The following WRN variants were observed in gnomAD, a reference collection of about 807,000 sequenced individuals.
WRN encodes bifunctional 3'-5' exonuclease/ATP-dependent helicase WRN.
WRN carries 149 observed loss-of-function variants against 180.7 expected under a neutral mutation model. The ratio of observed to expected loss-of-function variants is 0.82; its 90% confidence interval spans 0.72 to 0.94. The LOEUF (loss-of-function observed/expected upper bound fraction) is 0.94, where lower values mean the gene tolerates loss of function less well. WRN is among the 40% of genes least tolerant of loss of function. The pLI, the probability that WRN is intolerant of heterozygous loss-of-function variation, is 0.00. For synonymous variants in WRN, 548 were observed against 568.9 expected, an observed-to-expected ratio of 0.96 and a Z score of 0.52; for missense variants, 1,661 against 1,700.1, an observed-to-expected ratio of 0.98 and a Z score of 0.40.
intron 23 of WRN, among the ~76,000 whole-genome samples, chr8:31,125,929 A>C (rs1411783581): frequency 1.3e-5 from 2 of 150,914 alleles, no homozygotes; most frequent in African/African-American, 4.9e-5. Context: ...AGCCAAGTTG[A>C]TGCATAATAT....
intron 24 of WRN, among the ~76,000 whole-genome samples, chr8:31,139,794 T>C (rs946250880): frequency 2.0e-5 from 3 of 152,146 alleles, no homozygotes; most frequent in African/African-American, 7.2e-5. Context: ...CACTTCCTGC[T>C]TATACCTGTC....
chr8:31,076,084 T>A, intron 7 of WRN, 89 bp from the exon 8 acceptor site: 1 of 1,084,122 alleles, frequency 9.2e-7, no homozygotes, highest in Admixed American at 1.8e-5. Context: ...AAAATGAAAA[T>A]TTGATCCCTA....
At chr8:31,155,261 G>T (rs1270706951) in intron 32 of WRN, among the ~76,000 whole-genome samples, 5 of 152,136 alleles carry the variant, frequency 3.3e-5, no homozygotes, top group Admixed American at 1.3e-4. Flanking sequence ...TTAAAAACTT[G>T]CTTTTCATTC....
intron 9 of WRN, among the ~76,000 whole-genome samples, chr8:31,082,949 A>G (rs1346522020): frequency 2.0e-5 from 3 of 152,220 alleles, no homozygotes; most frequent in African/African-American, 4.8e-5. Flanking sequence ...AAAAAATAAA[A>G]TAACTTTTTT....
rs111571969 is a variant in WRN, at chr8:31,166,681, G to T, written c.3983-341G>T. On this transcript the variant is annotated intron_variant, in intron 33 of 34. Transcript: ENST00000298139. ...TTTTAAGAGAAAACTAATTATAATT[G>T]ATATTTGGAATTGGAAGCACAATTT... Among the ~76,000 whole-genome samples the T allele has an allele frequency of 3.9e-5, 6 of 152,216 alleles. 1 individual carries two copies. The highest frequency in any genetic ancestry group is 1.4e-4 in the African/African-American group (6 of 41,554).
At chr8:31,103,569 G>GTTTA (rs144369410) in intron 18 of WRN, among the ~76,000 whole-genome samples, 76,510 of 151,358 alleles carry the variant, frequency 0.51, 19,967 homozygotes, top group South Asian at 0.68. Flanking sequence ...ACTATTTTTC[G>GTTTA]GTGGTCTGTT....
intron 19 of WRN, 71 bp downstream of exon 19, chr8:31,111,870 A>G (rs1801334205): frequency 6.5e-7 from 1 of 1,545,684 alleles, no homozygotes. Flanking sequence ...TATGTATTTT[A>G]TGTTATTTAC....
chr8:31,069,819 A>G (rs1230618146), intron 7 of WRN, among the ~76,000 whole-genome samples: 1 of 152,134 alleles, frequency 6.6e-6, no homozygotes, highest in Non-Finnish European at 1.5e-5. Context: ...CTCATAATAA[A>G]ACTAAAATTC....
At chr8:31,158,161 T>C (rs1224578403) in intron 33 of WRN, among the ~76,000 whole-genome samples, 1 of 152,218 alleles carries the variant, frequency 6.6e-6, no homozygotes. Context: ...TCCACATTCA[T>C]TCCCAGTAGC....
chr8:31,154,831 A>C, intron 32 of WRN, 76 bp downstream of exon 32: 1 of 1,569,150 alleles, frequency 6.4e-7, no homozygotes, highest in Admixed American at 1.7e-5. Flanking sequence ...TTTAGTATTA[A>C]AGTTCTGACT....
chr8:31,163,219 A>C (rs1473763749), intron 33 of WRN, among the ~76,000 whole-genome samples: 2 of 152,384 alleles, frequency 1.3e-5, no homozygotes, highest in Non-Finnish European at 2.9e-5. Context: ...GAAATGGTAA[A>C]GAAAAATTTC....
chr8:31,120,160 A>G lies in WRN; in HGVS notation c.2449-83A>G, dbSNP rs377194976. On this transcript the variant is annotated intron_variant, in intron 20 of 34. Coordinates refer to ENST00000298139, the MANE Select transcript of WRN (RefSeq NM_000553.6). ...TGCCAGGGACTTAAGTTAACGAACA[A>G]ATTATTCTTACAAAAAGGTATAAAT... The G allele has an allele frequency of 1.4e-4, 223 of 1,552,150 alleles. No homozygotes were observed. In the African/African-American group the frequency reaches 2.7e-3, roughly 19 times the overall value.
chr8:31,115,942 G>A (rs1801500986), intron 19 of WRN, among the ~76,000 whole-genome samples: 1 of 152,116 alleles, frequency 6.6e-6, no homozygotes, highest in Non-Finnish European at 1.5e-5. Context: ...ATTATCATAA[G>A]CAAGAATAAG....
chr8:31,103,089 A>G (rs1005977524), intron 18 of WRN, among the ~76,000 whole-genome samples: 19 of 152,174 alleles, frequency 1.2e-4, no homozygotes, highest in African/African-American at 2.2e-4. Context: ...AGGATCATCA[A>G]TGTTGCTGTC....
rs1002313069 is a variant in WRN, at chr8:31,174,620, A to T, written c.*1518A>T. ...GTTGTGTTCCTCCACTGGAAGCTTG[A>T]CAGCTTTCCTTAACATAAAGACTTC... On this transcript the variant is annotated 3_prime_UTR_variant, in exon 35 of 35. Coordinates refer to ENST00000298139, the MANE Select transcript of WRN (RefSeq NM_000553.6). Among the ~76,000 whole-genome samples the T allele has an allele frequency of 6.6e-6, 1 of 152,188 alleles. No homozygotes were observed.
chr8:31,091,383 C>T (rs1380064397), intron 15 of WRN, among the ~76,000 whole-genome samples: 2 of 151,980 alleles, frequency 1.3e-5, no homozygotes, highest in Admixed American at 6.6e-5. Flanking sequence ...TATTTTGATA[C>T]ACTCATATCA....
At chr8:31,062,278 G>C (rs1812516651) in intron 3 of WRN, among the ~76,000 whole-genome samples, 1 of 152,032 alleles carries the variant, frequency 6.6e-6, no homozygotes, top group Non-Finnish European at 1.5e-5. Flanking sequence ...AGCAGAAGCT[G>C]AGTTTCTTTT....
Position 31,173,306 on chromosome 8 carries a change from T to C in WRN, c.*204T>C. 1.8e-6 allele frequency: 1 copy of C among 570,204 alleles called. No homozygotes were observed. The allele number at this position is 570,204 out of a possible 1,614,324, so 35.3% of individuals were successfully genotyped here. A position where few individuals can be genotyped will look rare whatever the true frequency, so the allele number is the denominator to read the frequency against. ...TCTTCTGGGAGCCTACGTGAGTACA[T>C]CACCTAACAGAATATTAAATTAGAC... On this transcript the variant is annotated 3_prime_UTR_variant, in exon 35 of 35. Transcript: ENST00000298139.
Position 31,124,960 on chromosome 8 carries a change from A to C in WRN, c.2785A>C (p.Ile929Leu). The change falls in exon 23 of 35, where the codon ATT becomes CTT. Residue 929 changes from isoleucine to leucine, a missense_variant. Around this residue, in one of 3 missense-constraint regions of WRN, gnomAD observed 1,141 missense variants for 1,149.4 expected, o/e 0.99. Coordinates refer to ENST00000298139, the MANE Select transcript of WRN (RefSeq NM_000553.6). ...ACAAGTACAAAAAGCCTCCTTGGGA[A>C]TTATGGGAACTGAAAAATGCTGTGA... ...DKQVQKASLGIMGTEKCCDNC... is the reference protein window; with the variant it reads ...DKQVQKASLGLMGTEKCCDNC... The C allele has an allele frequency of 6.2e-7, 1 of 1,613,200 alleles. No homozygotes were observed. The highest frequency in any genetic ancestry group is 8.5e-7 in the Non-Finnish European group (1 of 1,179,480).
Sources: allele counts gnomAD v4.1 joint callset (sites outside exome capture counted in the v4.1 genomes callset), GRCh38; gene constraint gnomAD v4.1.1; regional missense constraint gnomAD v4.1.1; transcripts MANE v1.5; gene names NCBI Gene and HGNC (gene_info 2026-07-23, HGNC 2026-07-21).